CDKAL1: variants seen among roughly 807,000 people sequenced by gnomAD.
CDKAL1 encodes the protein threonylcarbamoyladenosine tRNA methylthiotransferase.
A neutral mutation model predicts 68.2 loss-of-function variants in CDKAL1; 32 were observed. That is an observed-to-expected ratio of 0.47 (90% CI 0.35 to 0.63). The LOEUF (loss-of-function observed/expected upper bound fraction) is 0.63, where lower values mean the gene tolerates loss of function less well. Among genes scored for constraint, CDKAL1 ranks in the 30% least tolerant of loss-of-function variants. The pLI is 0.00. For synonymous variants in CDKAL1, 234 were observed against 244.3 expected, an observed-to-expected ratio of 0.96 and a Z score of 0.39; for missense variants, 606 against 696.7, an observed-to-expected ratio of 0.87 and a Z score of 1.47.
chr6:20,907,773 C>T (rs991221083), intron 9 of CDKAL1, among the ~76,000 whole-genome samples: 7 of 152,098 alleles, frequency 4.6e-5, no homozygotes, highest in Admixed American at 2.6e-4. Context: ...GCCCACCACC[C>T]GAGGTGGATG....
intron 2 of CDKAL1, among the ~76,000 whole-genome samples, chr6:20,537,386 C>T (rs1307657134): frequency 6.6e-5 from 10 of 152,168 alleles, no homozygotes; most frequent in Admixed American, 6.5e-4. Context: ...GCAGGTGGAT[C>T]ACCTGAGGTT....
At chr6:21,164,700 C>A (rs1777077667) in intron 13 of CDKAL1, among the ~76,000 whole-genome samples, 1 of 152,154 alleles carries the variant, frequency 6.6e-6, no homozygotes, top group South Asian at 2.1e-4. Context: ...GCCCCCTCAT[C>A]TTCCCTGACT....
chr6:21,158,921 A>G (rs921255584), intron 13 of CDKAL1, among the ~76,000 whole-genome samples: 3 of 152,084 alleles, frequency 2.0e-5, no homozygotes, highest in African/African-American at 4.8e-5. Context: ...TTAGTTTTAT[A>G]TAATTGTGAT....
chr6:20,627,585 A>G (rs564072092), intron 4 of CDKAL1, among the ~76,000 whole-genome samples: 3 of 152,276 alleles, frequency 2.0e-5, no homozygotes, highest in South Asian at 4.1e-4. Flanking sequence ...CCCTTTCCAT[A>G]TAAATTTTAG....
intron 4 of CDKAL1, among the ~76,000 whole-genome samples, chr6:20,621,020 C>T (rs1581838958): frequency 1.3e-5 from 2 of 152,258 alleles, no homozygotes; most frequent in Middle Eastern, 6.8e-3. Flanking sequence ...GGTCCTCTTG[C>T]TGTGACAGTT....
chr6:21,211,813 G>A (rs901925934), intron 15 of CDKAL1, among the ~76,000 whole-genome samples: 2 of 152,214 alleles, frequency 1.3e-5, no homozygotes, highest in African/African-American at 4.8e-5. Flanking sequence ...CTGGAGTGCA[G>A]TGGTGCAATC....
chr6:20,652,393 A>G (rs1161776850), intron 5 of CDKAL1, among the ~76,000 whole-genome samples: 1 of 152,166 alleles, frequency 6.6e-6, no homozygotes, highest in African/African-American at 2.4e-5. Flanking sequence ...TGTTGAAGGG[A>G]GGTGGGCATA....
chr6:20,874,602 G>T (rs1373224710), intron 9 of CDKAL1, among the ~76,000 whole-genome samples: 1 of 151,922 alleles, frequency 6.6e-6, no homozygotes, highest in Admixed American at 6.6e-5. Flanking sequence ...TGCAACCTCC[G>T]CCTCCAGGTT....
chr6:20,710,869 T>C (rs1306113327), intron 5 of CDKAL1, among the ~76,000 whole-genome samples: 1 of 152,224 alleles, frequency 6.6e-6, no homozygotes, highest in Non-Finnish European at 1.5e-5. Context: ...GAGAAAATAC[T>C]GAATCAGGAA....
At chr6:21,133,042 C>G (rs1293252586) in intron 13 of CDKAL1, among the ~76,000 whole-genome samples, 1 of 151,978 alleles carries the variant, frequency 6.6e-6, no homozygotes, top group Non-Finnish European at 1.5e-5. Context: ...TACAACTGCC[C>G]CAAAAATAGT....
intron 4 of CDKAL1, among the ~76,000 whole-genome samples, chr6:20,637,093 A>G (rs1295779989): frequency 6.6e-6 from 1 of 151,950 alleles, no homozygotes; most frequent in Non-Finnish European, 1.5e-5. Context: ...TGCTTTGTGC[A>G]TTCTGCCAAA....
intron 5 of CDKAL1, among the ~76,000 whole-genome samples, chr6:20,688,490 A>ATGTACAAGACTC (rs1291835110): frequency 2.6e-5 from 4 of 151,354 alleles, no homozygotes; most frequent in African/African-American, 9.7e-5. Context: ...CTATTGTGAT[A>ATGTACAAGACTC]TCTTCAAGCT....
chr6:21,029,381 G>T (rs1366265958), intron 11 of CDKAL1, among the ~76,000 whole-genome samples: 1 of 151,924 alleles, frequency 6.6e-6, no homozygotes, highest in African/African-American at 2.4e-5. Flanking sequence ...TTGTAATGTT[G>T]ATCAATCCCA....
At chr6:20,708,949 A>G (rs1196086520) in intron 5 of CDKAL1, among the ~76,000 whole-genome samples, 3 of 152,186 alleles carry the variant, frequency 2.0e-5, no homozygotes, top group Non-Finnish European at 4.4e-5. Flanking sequence ...TGGTCATGAT[A>G]GAACTTGCTT....
At chr6:21,229,635 A>C (rs1325523669) in intron 15 of CDKAL1, among the ~76,000 whole-genome samples, 1 of 152,154 alleles carries the variant, frequency 6.6e-6, no homozygotes, top group Non-Finnish European at 1.5e-5. Flanking sequence ...CCTGTCCTGC[A>C]CCGCCTCTGG....
At chr6:20,720,672 G>A (rs543928087) in intron 5 of CDKAL1, among the ~76,000 whole-genome samples, 1 of 152,150 alleles carries the variant, frequency 6.6e-6, no homozygotes, top group African/African-American at 2.4e-5. Flanking sequence ...GCTAATTTTT[G>A]TATTTTTAGT....
At chr6:20,848,769 GGTT>G (rs957859745) in intron 9 of CDKAL1, among the ~76,000 whole-genome samples, 17 of 151,364 alleles carry the variant, frequency 1.1e-4, no homozygotes, top group Non-Finnish European at 2.5e-4. Flanking sequence ...CAGGAAATGT[GGTT>G]GTTTTTTTCT....
intron 11 of CDKAL1, among the ~76,000 whole-genome samples, chr6:21,062,238 A>G (rs1019939432): frequency 6.6e-6 from 1 of 152,226 alleles, no homozygotes; most frequent in African/African-American, 2.4e-5. Flanking sequence ...TTTCCCATGC[A>G]GTTTCTAAGA....
chr6:21,115,794 A>ATTT (rs1398634503), intron 13 of CDKAL1, among the ~76,000 whole-genome samples: 1 of 152,176 alleles, frequency 6.6e-6, no homozygotes, highest in Non-Finnish European at 1.5e-5. Context: ...CCTCATTCTA[A>ATTT]AGCCAAAGGA....
Sources: allele counts gnomAD v4.1 joint callset (sites outside exome capture counted in the v4.1 genomes callset), GRCh38; gene constraint gnomAD v4.1.1; transcripts MANE v1.5; gene names NCBI Gene and HGNC (gene_info 2026-07-23, HGNC 2026-07-21).